NRG1: variants seen among roughly 807,000 people sequenced by gnomAD.
The protein encoded by NRG1 is pro-neuregulin-1, membrane-bound isoform.
A neutral mutation model predicts 63.8 loss-of-function variants in NRG1; 18 were observed. That is an observed-to-expected ratio of 0.28 (90% confidence interval 0.19 to 0.42). NRG1 has a LOEUF of 0.42. Ranked by LOEUF, NRG1 falls within the 10% of genes least tolerant of loss-of-function variation. NRG1 has a pLI of 1.00. For missense variants in NRG1, 762 were observed against 814.7 expected (o/e 0.94, Z 0.79); for synonymous variants, 302 against 301.3 (o/e 1.00, Z -0.02).
chr8:31,835,952 C>T (rs1006690162), intron 1 of NRG1, among the ~76,000 whole-genome samples: 1 of 152,108 alleles, frequency 6.6e-6, no homozygotes, highest in Non-Finnish European at 1.5e-5. Context: ...AACTAAAGAA[C>T]AGATGTTTAA....
intron 1 of NRG1, among the ~76,000 whole-genome samples, chr8:31,958,598 C>T (rs185944683): frequency 1.3e-5 from 2 of 152,270 alleles, no homozygotes; most frequent in East Asian, 3.9e-4. Flanking sequence ...GAGACAGAGT[C>T]TTGCATGGCA....
chr8:32,620,595 G>A (rs1455948606), intron 5 of NRG1, among the ~76,000 whole-genome samples: 2 of 151,802 alleles, frequency 1.3e-5, no homozygotes, highest in African/African-American at 2.4e-5. Context: ...GGCCAAAGAG[G>A]GAGGATAGCT....
intron 1 of NRG1, among the ~76,000 whole-genome samples, chr8:32,304,851 G>A (rs527725531): frequency 1.1e-4 from 16 of 151,830 alleles, no homozygotes; most frequent in South Asian, 6.2e-4. Flanking sequence ...GAGAAACCCC[G>A]TCTCTACTAA....
intron 1 of NRG1, among the ~76,000 whole-genome samples, chr8:32,082,767 C>T (rs925135629): frequency 6.6e-6 from 1 of 152,012 alleles, no homozygotes; most frequent in African/African-American, 2.4e-5. Context: ...AAGCTTGGTT[C>T]TCTAGGTATC....
At chr8:32,529,778 G>T (rs1831254306) in intron 1 of NRG1, among the ~76,000 whole-genome samples, 1 of 152,128 alleles carries the variant, frequency 6.6e-6, no homozygotes, top group Non-Finnish European at 1.5e-5. Context: ...AACACACACG[G>T]AGCTGTCACT....
chr8:32,432,713 G>A (rs1488369790), intron 1 of NRG1, among the ~76,000 whole-genome samples: 4 of 151,928 alleles, frequency 2.6e-5, no homozygotes, highest in South Asian at 2.1e-4. Flanking sequence ...GGCTGGTCTC[G>A]AACTCCTTTT....
chr8:32,426,669 C>T (rs1214391280), intron 1 of NRG1, among the ~76,000 whole-genome samples: 1 of 152,118 alleles, frequency 6.6e-6, no homozygotes, highest in African/African-American at 2.4e-5. Flanking sequence ...ACACACAATG[C>T]CTTCCTTCTA....
At chr8:31,738,605 G>A (rs145069888) in intron 1 of NRG1, among the ~76,000 whole-genome samples, 4 of 152,024 alleles carry the variant, frequency 2.6e-5, no homozygotes, top group South Asian at 4.2e-4. Context: ...TAAGGCTGTT[G>A]GTGCAAAGAA....
downstream of NRG1, among the ~76,000 whole-genome samples, chr8:32,770,062 T>C (rs895050216): frequency 4.6e-5 from 7 of 152,136 alleles, no homozygotes; most frequent in Non-Finnish European, 8.8e-5. Flanking sequence ...TTTCTAACCC[T>C]TTCCCTTCAA....
chr8:32,771,117 G>T (rs138581373), downstream of NRG1, among the ~76,000 whole-genome samples: 5 of 151,666 alleles, frequency 3.3e-5, no homozygotes, highest in African/African-American at 1.2e-4. Flanking sequence ...TTTGGTTTTG[G>T]TTTTGTTTTC....
exon 12 of NRG1, chr8:32,766,226 T>G (rs1831418743): frequency 6.6e-6 from 1 of 152,192 alleles, no homozygotes; most frequent in South Asian, 2.1e-4. Flanking sequence ...CCCTCCCACA[T>G]GCTCCTACAA....
intron 1 of NRG1, among the ~76,000 whole-genome samples, chr8:31,936,858 A>G (rs953518336): frequency 6.6e-6 from 1 of 152,236 alleles, no homozygotes; most frequent in African/African-American, 2.4e-5. Context: ...TAAGAACTTT[A>G]ATCTGGTGCA....
intron 1 of NRG1, among the ~76,000 whole-genome samples, chr8:31,873,431 C>T (rs1829658117): frequency 1.3e-5 from 2 of 152,038 alleles, no homozygotes; most frequent in South Asian, 2.1e-4. Context: ...TGGTGGCGTG[C>T]GCCTATAATC....
intron 1 of NRG1, among the ~76,000 whole-genome samples, chr8:31,682,911 G>A (rs1808487983): frequency 6.6e-6 from 1 of 152,106 alleles, no homozygotes. Flanking sequence ...TTATCTCAGG[G>A]GAACCCCCAC....
At chr8:32,255,551 A>G (rs949885159) in intron 1 of NRG1, among the ~76,000 whole-genome samples, 2 of 152,170 alleles carry the variant, frequency 1.3e-5, no homozygotes, top group African/African-American at 2.4e-5. Context: ...GGGTTTCTGC[A>G]GAGAATTCCT....
At chr8:32,646,623 T>C in intron 5 of NRG1, 2 of 917,352 alleles carry the variant, frequency 2.2e-6, no homozygotes, top group Non-Finnish European at 2.6e-6. Context: ...CAACAGTGGG[T>C]GAAGGAAAGA....
At chr8:32,566,342 C>CCA (rs1554584994) in intron 1 of NRG1, among the ~76,000 whole-genome samples, 12 of 102,688 alleles carry the variant, frequency 1.2e-4, no homozygotes, top group Admixed American at 6.6e-4. Context: ...CAGAACATCT[C>CCA]AAAAAAAAAA....
Position 31,826,872 on chromosome 8 carries a change from G to A in NRG1, c.37+187441G>A, listed in dbSNP as rs950288257. ...TTGAGAGATAAATGCAGTTATATTA[G>A]GTTTGTTAATTTTGTTTTGTTTTTG... On this transcript the variant is annotated intron_variant, in intron 1 of 10. Transcript: ENST00000519301. Among the ~76,000 whole-genome samples the A allele has an allele frequency of 3.9e-5, 6 of 152,184 alleles. No individual in the cohort carries two copies. The East Asian group carries it at 7.7e-4, about 20-fold the overall frequency.
chr8:31,882,627 G>A (rs575401244), intron 1 of NRG1, among the ~76,000 whole-genome samples: 1 of 152,216 alleles, frequency 6.6e-6, no homozygotes, highest in East Asian at 1.9e-4. Flanking sequence ...CATTGTAGAT[G>A]CCGTTAAGAA....
Sources: allele counts gnomAD v4.1 joint callset (sites outside exome capture counted in the v4.1 genomes callset), GRCh38; gene constraint gnomAD v4.1.1; transcripts MANE v1.5; gene names NCBI Gene and HGNC (gene_info 2026-07-23, HGNC 2026-07-21).